Variants in DLG2 observed in about 807,000 individuals in gnomAD.
The protein encoded by DLG2 is disks large homolog 2.
A neutral mutation model predicts 132.5 loss-of-function variants in DLG2; 45 were observed. The observed-to-expected ratio is 0.34, with a 90% CI of 0.27 to 0.44. DLG2 has a LOEUF of 0.44. DLG2 is among the 20% of genes least tolerant of loss of function. The probability of loss-of-function intolerance (pLI) is 1.00; values close to 1 mark genes in which losing one functional copy is unlikely to be tolerated. For synonymous variants in DLG2, 424 were observed against 419.6 expected (o/e 1.01, Z -0.13); for missense variants, 1,045 against 1,196.9 (o/e 0.87, Z 1.87).
chr11:84,334,159 T>C (rs1378081857), intron 7 of DLG2, among the ~76,000 whole-genome samples: 2 of 152,218 alleles, frequency 1.3e-5, no homozygotes, highest in Non-Finnish European at 2.9e-5. Flanking sequence ...CCTTCTTTTA[T>C]AAGAGTATGC....
intron 19 of DLG2, among the ~76,000 whole-genome samples, chr11:83,608,911 G>A (rs2059722163): frequency 6.6e-6 from 1 of 152,090 alleles, no homozygotes. Flanking sequence ...AACTATGGTG[G>A]ATTTCTATTA....
chr11:84,649,067 A>G (rs1332300786), intron 6 of DLG2, among the ~76,000 whole-genome samples: 1 of 152,132 alleles, frequency 6.6e-6, no homozygotes, highest in Non-Finnish European at 1.5e-5. Context: ...TTCTCCTCCA[A>G]TGATTCAGGT....
intron 6 of DLG2, among the ~76,000 whole-genome samples, chr11:84,713,320 T>C (rs557341494): frequency 6.6e-6 from 1 of 152,230 alleles, no homozygotes; most frequent in South Asian, 2.1e-4. Context: ...CCTGTAACAC[T>C]GGGGTAACCA....
intron 9 of DLG2, among the ~76,000 whole-genome samples, chr11:84,142,454 T>C (rs2094896237): frequency 6.6e-6 from 1 of 151,982 alleles, no homozygotes; most frequent in Non-Finnish European, 1.5e-5. Context: ...CACGATGAAG[T>C]CTTGGTCAGT....
chr11:83,747,704 A>AT (rs200167632), intron 18 of DLG2, among the ~76,000 whole-genome samples: 6,497 of 152,022 alleles, frequency 0.043, 199 homozygotes, highest in Middle Eastern at 0.11. Context: ...CTTTATATTT[A>AT]TTTTATAAGC....
intron 15 of DLG2, among the ~76,000 whole-genome samples, chr11:83,914,625 T>A (rs2076618678): frequency 6.6e-6 from 1 of 152,168 alleles, no homozygotes; most frequent in Non-Finnish European, 1.5e-5. Context: ...AAAATTCTCA[T>A]TTTATGGATA....
chr11:85,176,329 C>A (rs1461046843), intron 4 of DLG2, among the ~76,000 whole-genome samples: 3 of 152,000 alleles, frequency 2.0e-5, no homozygotes, highest in Admixed American at 2.0e-4. Flanking sequence ...AACCATCTGA[C>A]CTTCGACAAA....
At chr11:84,273,025 A>G in intron 7 of DLG2, 1 of 797,762 alleles carries the variant, frequency 1.3e-6, no homozygotes. Context: ...CTGAATGAGA[A>G]CTACAGAGAA....
At chr11:83,585,218 A>C (rs116542651) in intron 19 of DLG2, among the ~76,000 whole-genome samples, 2,563 of 152,316 alleles carry the variant, frequency 0.017, 64 homozygotes, top group African/African-American at 0.059. Context: ...TTTAAATGAT[A>C]ATATAAATGT....
intron 6 of DLG2, among the ~76,000 whole-genome samples, chr11:84,872,176 T>C (rs1426271818): frequency 6.6e-6 from 1 of 152,190 alleles, no homozygotes. Flanking sequence ...GACTCATCAT[T>C]AGTAAGGGCA....
intron 6 of DLG2, among the ~76,000 whole-genome samples, chr11:84,840,325 A>C (rs923184472): frequency 6.6e-6 from 1 of 152,180 alleles, no homozygotes; most frequent in Admixed American, 6.6e-5. Flanking sequence ...GCAATCATTA[A>C]AAAGTCAGGA....
At chr11:84,887,117 T>C (rs1183121402) in intron 6 of DLG2, 1 of 152,146 alleles carries the variant, frequency 6.6e-6, no homozygotes, top group Non-Finnish European at 1.5e-5. Context: ...ATTCATACTT[T>C]AGGTTCTGAT....
intron 3 of DLG2, among the ~76,000 whole-genome samples, chr11:85,302,037 A>G (rs2079617229): frequency 6.6e-6 from 1 of 152,232 alleles, no homozygotes; most frequent in Admixed American, 6.5e-5. Context: ...TTAAGAGCAC[A>G]TGAGGTCAGA....
intron 4 of DLG2, among the ~76,000 whole-genome samples, chr11:85,225,670 T>C (rs538997584): frequency 4.8e-4 from 73 of 152,146 alleles, no homozygotes; most frequent in African/African-American, 1.5e-3. Context: ...CCTCTTTCCT[T>C]TTCTCTTCTC....
At chr11:84,281,040 G>A (rs878948036) in intron 7 of DLG2, among the ~76,000 whole-genome samples, 1 of 151,978 alleles carries the variant, frequency 6.6e-6, no homozygotes, top group Admixed American at 6.5e-5. Flanking sequence ...GATTTTTAAT[G>A]AAGGTACAAA....
intron 6 of DLG2, among the ~76,000 whole-genome samples, chr11:84,618,252 T>A (rs558148607): frequency 2.6e-5 from 4 of 151,904 alleles, no homozygotes; most frequent in Non-Finnish European, 5.9e-5. Flanking sequence ...ACTAAAGGGA[T>A]TGTACTTAAT....
intron 8 of DLG2, among the ~76,000 whole-genome samples, chr11:84,172,868 T>C (rs2095856408): frequency 6.6e-6 from 1 of 152,084 alleles, no homozygotes; most frequent in African/African-American, 2.4e-5. Flanking sequence ...TTTAAAAAAT[T>C]ATCTGCCTTT....
chr11:83,486,274 C>T, intron 21 of DLG2: 1 of 686,580 alleles, frequency 1.5e-6, no homozygotes, highest in Non-Finnish European at 2.6e-6. Context: ...GAAAAAAAAT[C>T]ATGTAAGAAT....
chr11:84,774,851 C>A (rs964609047), intron 6 of DLG2, among the ~76,000 whole-genome samples: 13 of 151,950 alleles, frequency 8.6e-5, no homozygotes, highest in African/African-American at 3.1e-4. Context: ...ACATAGGAAG[C>A]ACCATTTTGG....
Sources: allele counts gnomAD v4.1 joint callset (sites outside exome capture counted in the v4.1 genomes callset), GRCh38; gene constraint gnomAD v4.1.1; transcripts MANE v1.5; gene names NCBI Gene and HGNC (gene_info 2026-07-23, HGNC 2026-07-21).